Variants in LAMTOR2 observed in about 807,000 individuals in gnomAD.
LAMTOR2 encodes late endosomal/lysosomal adaptor, MAPK and MTOR activator 2.
Under a neutral mutation model 15.8 loss-of-function variants are expected in LAMTOR2, and 4 were observed. That is an observed-to-expected ratio of 0.25 (90% CI 0.12 to 0.58). The LOEUF is 0.58. Among genes scored for constraint, LAMTOR2 ranks in the 20% least tolerant of loss-of-function variants. The pLI, the probability that LAMTOR2 is intolerant of heterozygous loss-of-function variation, is 0.91. For missense variants in LAMTOR2, 100 were observed against 161.0 expected (o/e 0.62, Z 2.05); for synonymous variants, 62 against 64.1 (o/e 0.97, Z 0.15).
chr1:156,055,367 G>A lies in LAMTOR2; in HGVS notation c.173G>A (p.Arg58Gln), dbSNP rs769471045. 12 of 1,614,234 alleles carry A rather than the reference G, an allele frequency of 7.4e-6. No homozygotes were observed. The South Asian group carries it at 1.2e-4, about 16-fold the overall frequency. Reference protein sequence around the residue: ...IASNIWAAYDRNGNQAFNEDN... With the variant: ...IASNIWAAYDQNGNQAFNEDN... ...AGTAACATCTGGGCCGCCTACGACCGGAACGGGAACCAAGCGTTTAATGAA... is the reference window on the plus strand; with the variant it reads ...AGTAACATCTGGGCCGCCTACGACCAGAACGGGAACCAAGCGTTTAATGAA... Residue 58 changes from arginine (R) to glutamine (Q), a missense_variant, in exon 2 of 4, where the codon CGG (arginine) becomes CAG (glutamine). Physicochemically the swap from Arg to Gln is conservative, Grantham distance 43. Coordinates refer to ENST00000368305, the MANE Select transcript of LAMTOR2 (RefSeq NM_014017.4). This position sits in a 1 kb window ranked among gnomAD's most constrained non-coding sequence, Gnocchi z 4.8.
Position 156,055,024 on chromosome 1 carries a change from G to C in LAMTOR2, c.68+67G>C. 6.5e-7 allele frequency: 1 copy of C among 1,538,050 alleles called. No homozygotes were observed. Among genetic ancestry groups the C allele is most frequent in the Non-Finnish European group, 8.9e-7 (1 of 1,120,540 alleles). On this transcript the variant is annotated intron_variant, in intron 1 of 3. Coordinates refer to ENST00000368305, the MANE Select transcript of LAMTOR2 (RefSeq NM_014017.4). This position sits in a 1 kb window ranked among gnomAD's most constrained non-coding sequence, Gnocchi z 4.8. ...GGGCGGCGCGCGGCTCCCTGAGGGA[G>C]GGGTGGGGAAGGATCACCAGGAAGG...
chr1:156,058,391 G>A lies in LAMTOR2; in HGVS notation c.*20G>A. ...TCTTAACGGCATTGGTGGAAGCTGG[G>A]GTCAGAAAAGAGAAATGACCATTTG... On this transcript the variant is annotated 3_prime_UTR_variant, in exon 4 of 4. Transcript: ENST00000368305. 1 of 1,613,968 alleles carries A rather than the reference G, an allele frequency of 6.2e-7. No homozygotes were observed. The highest frequency in any genetic ancestry group is 2.2e-5 in the East Asian group (1 of 44,878).
Position 156,054,804 on chromosome 1 carries a change from C to T in LAMTOR2, c.-86C>T. On this transcript the variant is annotated 5_prime_UTR_variant, in exon 1 of 4. It adds an upstream start codon to the 5' untranslated region. Coordinates refer to ENST00000368305, the MANE Select transcript of LAMTOR2 (RefSeq NM_014017.4). ...CCCAGGGCGTCCCGGAGCAGGCCAA[C>T]GGGACTACGGGAAGCAGCGGGCAGC... 1 of 1,382,636 alleles carries T rather than the reference C, an allele frequency of 7.2e-7. No homozygotes were observed. Among genetic ancestry groups the T allele is most frequent in the Non-Finnish European group, 1.0e-6 (1 of 983,156 alleles). 85.6% of individuals were successfully genotyped at this position (1,382,636 alleles called of 1,614,324 possible). A position where few individuals can be genotyped will look rare whatever the true frequency, so the allele number is the denominator to read the frequency against.
Position 156,055,445 on chromosome 1 carries a change from A to C in LAMTOR2, c.231+20A>C. 6.2e-7 allele frequency: 1 copy of C among 1,614,030 alleles called. No homozygotes were observed. The highest frequency in any genetic ancestry group is 1.1e-5 in the South Asian group (1 of 91,080). On this transcript the variant is annotated intron_variant, in intron 2 of 3. Transcript: ENST00000368305. This position sits in a 1 kb window ranked among gnomAD's most constrained non-coding sequence, Gnocchi z 4.8. Reference sequence around the variant, plus strand: ...TGCATGGTATGGAGAGGGGAGCCAGACTTCCCCTGTCCCCCAAAGGGGATC... The same window carrying C: ...TGCATGGTATGGAGAGGGGAGCCAGCCTTCCCCTGTCCCCCAAAGGGGATC...
At chr1:156,057,291 A>C (rs1489878777) in intron 2 of LAMTOR2, among the ~76,000 whole-genome samples, 1 of 152,040 alleles carries the variant, frequency 6.6e-6, no homozygotes, top group Non-Finnish European at 1.5e-5. Context: ...CCAGGAGTTC[A>C]AGACCAGCCT....
Position 156,054,886 on chromosome 1 carries a change from A to G in LAMTOR2, c.-4A>G. Reference sequence around the variant, plus strand: ...GCAAAAGCCCAGGGTTAGGAACCGTAGGCATGCTGCGCCCCAAGGCTTTGA... The same window carrying G: ...GCAAAAGCCCAGGGTTAGGAACCGTGGGCATGCTGCGCCCCAAGGCTTTGA... On this transcript the variant is annotated 5_prime_UTR_variant, in exon 1 of 4. Coordinates refer to ENST00000368305, the MANE Select transcript of LAMTOR2 (RefSeq NM_014017.4). The G allele has an allele frequency of 1.9e-6, 3 of 1,612,856 alleles. No individual in the cohort carries two copies. In the South Asian group the frequency reaches 3.3e-5, roughly 18 times the overall value.
In LAMTOR2 at chr1:156,054,805, G is replaced by T; in HGVS notation, c.-85G>T. 7.2e-7 allele frequency: 1 copy of T among 1,391,698 alleles called. No homozygotes were observed. 86.2% of individuals were successfully genotyped at this position (1,391,698 alleles called of 1,614,324 possible). On this transcript the variant is annotated 5_prime_UTR_variant, in exon 1 of 4. Transcript: ENST00000368305. ...CCAGGGCGTCCCGGAGCAGGCCAAC[G>T]GGACTACGGGAAGCAGCGGGCAGCG... is the stretch of plus-strand genomic sequence containing the variant.
chr1:156,055,185 G>T lies in LAMTOR2; in HGVS notation c.69-78G>T. The T allele has an allele frequency of 6.3e-7, 1 of 1,581,482 alleles. No homozygotes were observed. Among genetic ancestry groups the T allele is most frequent in the East Asian group, 2.2e-5 (1 of 44,704 alleles). Reference sequence around the variant, plus strand: ...CCAGAGCCTTGCTGGATGTGCCCTTGGTGGGACTTGGGATGGAAACCCAGA... The same window carrying T: ...CCAGAGCCTTGCTGGATGTGCCCTTTGTGGGACTTGGGATGGAAACCCAGA... On this transcript the variant is annotated intron_variant, in intron 1 of 3. Transcript: ENST00000368305. The surrounding 1 kb of genome is among the most constrained non-coding windows in gnomAD (Gnocchi z 4.8).
In LAMTOR2 at chr1:156,058,353, C is replaced by G. The variant is rs760329495; in HGVS notation, c.360C>G (p.Thr120=). The change falls in exon 4 of 4, where the codon ACC becomes ACG. Residue 120 remains threonine, a synonymous_variant. Transcript: ENST00000368305. The part of the protein sequence containing the change: ...ALVQYLEEPL[T]QVAAS ...TGCAGTACCTGGAGGAGCCCCTCAC[C>G]CAAGTGGCGGCATCTTAACGGCATT... 6.2e-7 allele frequency: 1 copy of G among 1,614,140 alleles called. No homozygotes were observed. The highest frequency in any genetic ancestry group is 8.5e-7 in the Non-Finnish European group (1 of 1,180,020).
chr1:156,054,920 C>T lies in LAMTOR2; in HGVS notation c.31C>T (p.Leu11=). 1 of 1,612,984 alleles carries T rather than the reference C, an allele frequency of 6.2e-7. No homozygotes were observed. The highest frequency in any genetic ancestry group is 8.5e-7 in the Non-Finnish European group (1 of 1,179,824). The part of the protein sequence containing the change: MLRPKALTQV[L]SQANTGGVQS... ...GCGCCCCAAGGCTTTGACCCAGGTG[C>T]TAAGCCAAGCCAACACTGGAGGCGT... Residue 11 remains leucine (L), a synonymous_variant, in exon 1 of 4, where the codon CTA becomes TTA. Transcript: ENST00000368305.
chr1:156,057,249 T>C (rs1481484782), intron 2 of LAMTOR2, among the ~76,000 whole-genome samples: 2 of 151,492 alleles, frequency 1.3e-5, no homozygotes, highest in Non-Finnish European at 2.9e-5. Flanking sequence ...TCCCAACACT[T>C]TGGGAGGCTG....
Position 156,055,849 on chromosome 1 carries a change from A to C in LAMTOR2, c.231+424A>C. 3 of 249,324 alleles carry C rather than the reference A, an allele frequency of 1.2e-5. No individual in the cohort carries two copies. Among genetic ancestry groups the C allele is most frequent in the Non-Finnish European group, 2.4e-5 (3 of 124,122 alleles). 15.4% of individuals were successfully genotyped at this position (249,324 alleles called of 1,614,324 possible). A position where few individuals can be genotyped will look rare whatever the true frequency, so the allele number is the denominator to read the frequency against. On this transcript the variant is annotated intron_variant, in intron 2 of 3. Coordinates refer to ENST00000368305, the MANE Select transcript of LAMTOR2 (RefSeq NM_014017.4). This position sits in a 1 kb window ranked among gnomAD's most constrained non-coding sequence, Gnocchi z 4.8. ...TGTCATCCCAGTTTCACCGACTCACAGAACCATGGCAGTCTCCAGACCCTA... is the reference window on the plus strand; with the variant it reads ...TGTCATCCCAGTTTCACCGACTCACCGAACCATGGCAGTCTCCAGACCCTA...
Position 156,058,503 on chromosome 1 carries a change from G to A in LAMTOR2, c.*132G>A. 3 of 883,890 alleles carry A rather than the reference G, an allele frequency of 3.4e-6. No individual in the cohort carries two copies. The highest frequency in any genetic ancestry group is 2.8e-5 in the South Asian group (2 of 72,630). 54.8% of individuals were successfully genotyped at this position (883,890 alleles called of 1,614,324 possible). A position where few individuals can be genotyped will look rare whatever the true frequency, so the allele number is the denominator to read the frequency against. ...TTTCCAAGAATAAACTTCAACTCCTGTCATGTGTCTTGGCTACTTTCTTGG... is the reference window on the plus strand; with the variant it reads ...TTTCCAAGAATAAACTTCAACTCCTATCATGTGTCTTGGCTACTTTCTTGG... On this transcript the variant is annotated 3_prime_UTR_variant, in exon 4 of 4. Transcript: ENST00000368305.
intron 2 of LAMTOR2, among the ~76,000 whole-genome samples, chr1:156,057,134 C>T (rs1056782463): frequency 7.4e-5 from 11 of 148,780 alleles, no homozygotes; most frequent in South Asian, 2.1e-4. Context: ...GCCGAGATCA[C>T]GCCACTGCAC....
chr1:156,054,858 G>A lies in LAMTOR2; in HGVS notation c.-32G>A. On this transcript the variant is annotated 5_prime_UTR_variant, in exon 1 of 4. Coordinates refer to ENST00000368305, the MANE Select transcript of LAMTOR2 (RefSeq NM_014017.4). ...CCGCGGGAGGCACCTCGGAGATCTG[G>A]GTGCAAAAGCCCAGGGTTAGGAACC... 3 of 1,609,836 alleles carry A rather than the reference G, an allele frequency of 1.9e-6. No individual in the cohort carries two copies. The highest frequency in any genetic ancestry group is 2.5e-6 in the Non-Finnish European group (3 of 1,178,012).
chr1:156,055,095 G>A lies in LAMTOR2; in HGVS notation c.68+138G>A. ...AGCGGCTGGGGATACCGGCCGGGAG[G>A]TCCCCTGTCGAAAAGGGAAGCCGGT... On this transcript the variant is annotated intron_variant, in intron 1 of 3. Coordinates refer to ENST00000368305, the MANE Select transcript of LAMTOR2 (RefSeq NM_014017.4). This position sits in a 1 kb window ranked among gnomAD's most constrained non-coding sequence, Gnocchi z 4.8. 4.5e-6 allele frequency: 6 copies of A among 1,343,148 alleles called. No individual in the cohort carries two copies. The highest frequency in any genetic ancestry group is 6.4e-6 in the Non-Finnish European group (6 of 940,730). The allele number at this position is 1,343,148 out of a possible 1,614,324, so 83.2% of individuals were successfully genotyped here.
In LAMTOR2 at chr1:156,055,076, TG is replaced by T; in HGVS notation, c.68+123del. The T allele has an allele frequency of 1.5e-6, 2 of 1,377,194 alleles. 1 individual carries two copies. The highest frequency in any genetic ancestry group is 2.3e-5 in the South Asian group (2 of 85,314). 85.3% of individuals were successfully genotyped at this position (1,377,194 alleles called of 1,614,324 possible). A position where few individuals can be genotyped will look rare whatever the true frequency, so the allele number is the denominator to read the frequency against. Reference sequence around the variant, plus strand: ...AGGAAGCGGCAGAGGGGGCAGCGGCTGGGGATACCGGCCGGGAGGTCCCCTG... The same window carrying T: ...AGGAAGCGGCAGAGGGGGCAGCGGCTGGGATACCGGCCGGGAGGTCCCCTG... On this transcript the variant is annotated intron_variant, in intron 1 of 3. Coordinates refer to ENST00000368305, the MANE Select transcript of LAMTOR2 (RefSeq NM_014017.4). This position sits in a 1 kb window ranked among gnomAD's most constrained non-coding sequence, Gnocchi z 4.8.
In LAMTOR2 at chr1:156,055,534, A is replaced by G; in HGVS notation, c.231+109A>G. On this transcript the variant is annotated intron_variant, in intron 2 of 3. Coordinates refer to ENST00000368305, the MANE Select transcript of LAMTOR2 (RefSeq NM_014017.4). The surrounding 1 kb of genome is among the most constrained non-coding windows in gnomAD (Gnocchi z 4.8). ...GGGGCAGGGACAGGATCTCCGGAAG[A>G]TTACTAAGAGTTGGTCTGCAGCAGC... The G allele has an allele frequency of 7.8e-7, 1 of 1,288,022 alleles. No homozygotes were observed. Among genetic ancestry groups the G allele is most frequent in the Non-Finnish European group, 1.1e-6 (1 of 894,386 alleles). 79.8% of individuals were successfully genotyped at this position (1,288,022 alleles called of 1,614,324 possible).
Position 156,055,354 on chromosome 1 carries a change from GC to G in LAMTOR2, c.162del (p.Ala55ProfsTer27). ...VTAAIASNIW[A>X]AYDRNGNQAF... Reference sequence around the variant, plus strand: ...CGCTGCCATAGCCAGTAACATCTGGGCCGCCTACGACCGGAACGGGAACCAA... The same window carrying G: ...CGCTGCCATAGCCAGTAACATCTGGGCGCCTACGACCGGAACGGGAACCAA... On this transcript the variant is annotated frameshift_variant, in exon 2 of 4. Coordinates refer to ENST00000368305, the MANE Select transcript of LAMTOR2 (RefSeq NM_014017.4). LOFTEE classifies it high-confidence loss of function. This position sits in a 1 kb window ranked among gnomAD's most constrained non-coding sequence, Gnocchi z 4.8. 1 of 1,614,228 alleles carries G rather than the reference GC, an allele frequency of 6.2e-7. No individual in the cohort carries two copies.
Sources: gnomAD v4.1 joint callset for allele counts (sites outside exome capture counted in the v4.1 genomes callset) on GRCh38, gnomAD v4.1.1 for gene constraint, Gnocchi (gnomAD v3.1) non-coding constraint, MANE v1.5 for transcripts, NCBI Gene and HGNC (gene_info 2026-07-23, HGNC 2026-07-21) for gene names.